FSTL5: variants seen among roughly 807,000 people sequenced by gnomAD.
FSTL5 encodes the protein follistatin-related protein 5.
In FSTL5, 62 loss-of-function variants were observed where a neutral mutation model predicts 89.1. The observed-to-expected ratio is 0.70, with a 90% CI of 0.57 to 0.86. The LOEUF (loss-of-function observed/expected upper bound fraction) is 0.86, where lower values mean the gene tolerates loss of function less well. Ranked by LOEUF, FSTL5 falls within the 40% of genes least tolerant of loss-of-function variation. FSTL5 has a pLI of 0.00. For synonymous variants in FSTL5, 383 were observed against 346.2 expected, an observed-to-expected ratio of 1.11 and a Z score of -1.18; for missense variants, 1,057 against 1,001.6, an observed-to-expected ratio of 1.06 and a Z score of -0.75.
At chr4:161,516,027 T>C (rs1730815677) in intron 10 of FSTL5, among the ~76,000 whole-genome samples, 1 of 151,142 alleles carries the variant, frequency 6.6e-6, no homozygotes. Context: ...CATGTGCGTG[T>C]GTGCATGACC....
intron 10 of FSTL5, among the ~76,000 whole-genome samples, chr4:161,522,858 T>A (rs1001300219): frequency 6.6e-6 from 1 of 151,898 alleles, no homozygotes; most frequent in African/African-American, 2.4e-5. Context: ...AAATAAAAAA[T>A]ATCTCATTTA....
chr4:162,048,555 ATGT>A (rs1251284745), intron 2 of FSTL5, among the ~76,000 whole-genome samples: 1 of 151,844 alleles, frequency 6.6e-6, no homozygotes, highest in African/African-American at 2.4e-5. Context: ...CTTTGGGAAA[ATGT>A]TGACTTACTG....
At chr4:161,731,256 C>T (rs1428286291) in intron 6 of FSTL5, among the ~76,000 whole-genome samples, 2 of 152,040 alleles carry the variant, frequency 1.3e-5, no homozygotes, top group African/African-American at 4.8e-5. Flanking sequence ...GTATCCTTTC[C>T]TTGCACTATT....
chr4:161,488,322 C>T (rs1466835527), intron 12 of FSTL5, among the ~76,000 whole-genome samples: 1 of 151,970 alleles, frequency 6.6e-6, no homozygotes, highest in Non-Finnish European at 1.5e-5. Context: ...TAATTTGTGC[C>T]ACATTGACAC....
intron 2 of FSTL5, among the ~76,000 whole-genome samples, chr4:162,050,933 A>G (rs1738357869): frequency 1.3e-5 from 2 of 151,692 alleles, no homozygotes; most frequent in Admixed American, 6.6e-5. Context: ...GTAAAAATAT[A>G]CATTGTAGAG....
chr4:161,615,217 C>T (rs28377679), intron 7 of FSTL5, among the ~76,000 whole-genome samples: 5,774 of 148,832 alleles, frequency 0.039, 345 homozygotes, highest in African/African-American at 0.13. Context: ...TGGCGTGAAC[C>T]CGGGAGGCGG....
intron 6 of FSTL5, among the ~76,000 whole-genome samples, chr4:161,732,871 A>G (rs1194346216): frequency 6.6e-6 from 1 of 151,396 alleles, no homozygotes; most frequent in Non-Finnish European, 1.5e-5. Context: ...TCATGTACAT[A>G]CCACTCTGTT....
intron 1 of FSTL5, among the ~76,000 whole-genome samples, chr4:162,141,148 G>A (rs143704340): frequency 5.1e-5 from 3 of 58,338 alleles, no homozygotes; most frequent in African/African-American, 1.3e-4. Context: ...ACGGAGTTTC[G>A]CTCTGTCGCC....
chr4:161,828,525 T>C (rs959105953), intron 4 of FSTL5, among the ~76,000 whole-genome samples: 1 of 152,204 alleles, frequency 6.6e-6, no homozygotes, highest in African/African-American at 2.4e-5. Flanking sequence ...TTTGGGATCA[T>C]ATTAAGATTC....
chr4:161,672,025 C>A (rs1008740812), intron 6 of FSTL5, among the ~76,000 whole-genome samples: 10 of 152,152 alleles, frequency 6.6e-5, no homozygotes, highest in Non-Finnish European at 1.5e-4. Flanking sequence ...AGAGTATTTA[C>A]ATTTTAATAG....
chr4:161,427,598 A>G (rs1274096277), intron 15 of FSTL5, among the ~76,000 whole-genome samples: 1 of 152,184 alleles, frequency 6.6e-6, no homozygotes, highest in Non-Finnish European at 1.5e-5. Flanking sequence ...AATTCCTGAG[A>G]ATTATTCAGC....
At chr4:162,076,330 T>C (rs1309591924) in intron 2 of FSTL5, among the ~76,000 whole-genome samples, 2 of 151,934 alleles carry the variant, frequency 1.3e-5, no homozygotes, top group Non-Finnish European at 2.9e-5. Context: ...TTTCCCAAAC[T>C]GTCTTGTCAA....
intron 4 of FSTL5, among the ~76,000 whole-genome samples, chr4:161,800,864 T>A (rs984570529): frequency 6.6e-6 from 1 of 151,560 alleles, no homozygotes; most frequent in Admixed American, 6.6e-5. Context: ...GCCCACACAA[T>A]CCCTTACAAT....
At chr4:161,458,632 A>C (rs1365653332) in intron 14 of FSTL5, among the ~76,000 whole-genome samples, 2 of 152,178 alleles carry the variant, frequency 1.3e-5, no homozygotes, top group Admixed American at 6.5e-5. Context: ...CAGGGCCAAA[A>C]ACTCCTTCCC....
intron 2 of FSTL5, among the ~76,000 whole-genome samples, chr4:162,082,276 T>G (rs538087343): frequency 6.6e-6 from 1 of 151,848 alleles, no homozygotes; most frequent in South Asian, 2.1e-4. Context: ...TGAGTCTAAA[T>G]TTTCAAATTG....
At chr4:161,503,535 C>T (rs999761756) in intron 11 of FSTL5, among the ~76,000 whole-genome samples, 1 of 151,890 alleles carries the variant, frequency 6.6e-6, no homozygotes, top group Admixed American at 6.6e-5. Flanking sequence ...ATGATTTCAA[C>T]CAATGCCATT....
intron 4 of FSTL5, among the ~76,000 whole-genome samples, chr4:161,802,461 C>T (rs1369782850): frequency 6.6e-6 from 1 of 151,672 alleles, no homozygotes; most frequent in African/African-American, 2.4e-5. Context: ...ATGTAGAACT[C>T]TGTTCTACTC....
intron 6 of FSTL5, among the ~76,000 whole-genome samples, chr4:161,676,742 T>TACATGC (rs1350141480): frequency 3.7e-4 from 54 of 144,804 alleles, no homozygotes; most frequent in African/African-American, 1.4e-3. Flanking sequence ...GGAAAATACA[T>TACATGC]ACACGCACAC....
chr4:161,933,289 T>C lies in FSTL5; in HGVS notation c.161-12637A>G, dbSNP rs188694790. On this transcript the variant is annotated intron_variant, in intron 3 of 15. Coordinates refer to ENST00000306100, the MANE Select transcript of FSTL5 (RefSeq NM_020116.5). ...CACTAGATTGCTATTTCATGGTGTG[T>C]CACCCTTGGTGACTGTCCTTGTTTC... Among the ~76,000 whole-genome samples the C allele has an allele frequency of 2.6e-5, 4 of 152,204 alleles. No individual in the cohort carries two copies. The East Asian group carries it at 7.7e-4, about 29-fold the overall frequency.
Sources: allele counts gnomAD v4.1 joint callset (sites outside exome capture counted in the v4.1 genomes callset), GRCh38; gene constraint gnomAD v4.1.1; transcripts MANE v1.5; gene names NCBI Gene and HGNC (gene_info 2026-07-23, HGNC 2026-07-21).